TTC28: variants seen among roughly 807,000 people sequenced by gnomAD.
TTC28 encodes tetratricopeptide repeat protein 28.
TTC28 carries 61 observed loss-of-function variants against 198.0 expected under a neutral mutation model. The ratio of observed to expected loss-of-function variants is 0.31; its 90% CI spans 0.25 to 0.38. TTC28 has a LOEUF of 0.38. Among genes scored for constraint, TTC28 ranks in the 10% least tolerant of loss-of-function variants. TTC28 has a pLI of 1.00. For missense variants in TTC28, 2,678 were observed against 3,164.0 expected, an observed-to-expected ratio of 0.85 and a Z score of 3.69; for synonymous variants, 1,171 against 1,297.8, an observed-to-expected ratio of 0.90 and a Z score of 2.10.
chr22:28,433,047 T>C (rs773972323), intron 2 of TTC28, among the ~76,000 whole-genome samples: 45 of 152,202 alleles, frequency 3.0e-4, no homozygotes, highest in Non-Finnish European at 5.3e-4. Flanking sequence ...CAAGTGGTTA[T>C]ATGGATCCTG....
chr22:28,397,303 G>A (rs2046833799), intron 2 of TTC28, among the ~76,000 whole-genome samples: 1 of 152,134 alleles, frequency 6.6e-6, no homozygotes, highest in African/African-American at 2.4e-5. Flanking sequence ...ATCCTCACAA[G>A]AGTCCCGATG....
chr22:28,537,573 G>C (rs949545685), intron 2 of TTC28, among the ~76,000 whole-genome samples: 4 of 151,788 alleles, frequency 2.6e-5, no homozygotes, highest in Non-Finnish European at 4.4e-5. Flanking sequence ...GGCTGTCAAA[G>C]AATGAAGGAA....
chr22:28,292,086 ATAAT>A (rs1468010031), intron 5 of TTC28, among the ~76,000 whole-genome samples: 2 of 152,056 alleles, frequency 1.3e-5, no homozygotes, highest in East Asian at 1.9e-4. Flanking sequence ...CTTATAATTA[ATAAT>A]TAGTTATTTT....
chr22:28,065,036 G>A (rs551845778), intron 12 of TTC28, among the ~76,000 whole-genome samples: 2 of 152,286 alleles, frequency 1.3e-5, no homozygotes, highest in East Asian at 3.9e-4. Flanking sequence ...ACATAGGAAT[G>A]CATGGCTTTC....
intron 1 of TTC28, among the ~76,000 whole-genome samples, chr22:28,657,403 A>G (rs1388067335): frequency 1.3e-5 from 2 of 152,226 alleles, no homozygotes; most frequent in Admixed American, 1.3e-4. Flanking sequence ...CTTACTCTCT[A>G]CTGAGAACAT....
intron 2 of TTC28, among the ~76,000 whole-genome samples, chr22:28,372,603 C>G (rs2046355164): frequency 6.6e-6 from 1 of 150,576 alleles, no homozygotes; most frequent in Admixed American, 6.6e-5. Flanking sequence ...AGATTACGCT[C>G]TTTGTTCTAC....
intron 2 of TTC28, among the ~76,000 whole-genome samples, chr22:28,346,146 A>T (rs1370790371): frequency 6.6e-6 from 1 of 152,184 alleles, no homozygotes; most frequent in Non-Finnish European, 1.5e-5. Flanking sequence ...AGAAATTGAG[A>T]TTCAAGAGGG....
At chr22:28,186,168 T>C (rs1231878788) in intron 5 of TTC28, among the ~76,000 whole-genome samples, 1 of 152,208 alleles carries the variant, frequency 6.6e-6, no homozygotes, top group African/African-American at 2.4e-5. Context: ...GCAACAATTC[T>C]ATTACACTGA....
At chr22:28,290,283 A>G (rs2044762292) in intron 5 of TTC28, among the ~76,000 whole-genome samples, 1 of 152,158 alleles carries the variant, frequency 6.6e-6, no homozygotes, top group Admixed American at 6.5e-5. Flanking sequence ...ATAATTTAGG[A>G]TCACAGGTAC....
At chr22:28,086,318 A>C (rs1941596180) in intron 12 of TTC28, among the ~76,000 whole-genome samples, 1 of 152,204 alleles carries the variant, frequency 6.6e-6, no homozygotes, top group Admixed American at 6.6e-5. Flanking sequence ...ACTGTCTCTC[A>C]GACCACAGTG....
chr22:28,442,236 C>T (rs921964550), intron 2 of TTC28, among the ~76,000 whole-genome samples: 1 of 152,304 alleles, frequency 6.6e-6, no homozygotes, highest in East Asian at 1.9e-4. Flanking sequence ...CACGCTGACA[C>T]GCACAGACAC....
Position 27,992,373 on chromosome 22 carries a change from C to T in TTC28, c.5553+214G>A, listed in dbSNP as rs921657550. ...TGCCGGTAAGGGGCAGTGCCGCTGG[C>T]ACGGATGCCTTGGCATCGCAGATGG... is the stretch of plus-strand genomic sequence containing the variant. On this transcript the variant is annotated intron_variant, in intron 19 of 22. Transcript: ENST00000397906. 7.2e-5 allele frequency: 42 copies of T among 580,908 alleles called. No individual in the cohort carries two copies. The African/African-American group carries it at 7.7e-4, about 11-fold the overall frequency. The allele number at this position is 580,908 out of a possible 1,614,324, so 36.0% of individuals were successfully genotyped here. A position where few individuals can be genotyped will look rare whatever the true frequency, so the allele number is the denominator to read the frequency against.
chr22:28,674,961 A>G (rs1254703655), intron 1 of TTC28, among the ~76,000 whole-genome samples: 1 of 152,216 alleles, frequency 6.6e-6, no homozygotes, highest in African/African-American at 2.4e-5. Context: ...AACACAGTTA[A>G]AGGACTTACA....
chr22:28,094,352 G>T, intron 11 of TTC28, 107 bp from the exon 12 acceptor site: 1 of 1,241,566 alleles, frequency 8.1e-7, no homozygotes, highest in Non-Finnish European at 1.1e-6. Context: ...TCTTTGACAA[G>T]CATGCCATCC....
chr22:28,532,961 G>C lies in TTC28; in HGVS notation c.381+96591C>G, dbSNP rs2049174140. ...CCACAGCCAATGTCATACTGAATGG[G>C]CAAAAACTGGAAGCATTCCTTTTGA... On this transcript the variant is annotated intron_variant, in intron 2 of 22. Coordinates refer to ENST00000397906, the MANE Select transcript of TTC28 (RefSeq NM_001145418.2). 2.6e-5 allele frequency among the ~76,000 whole-genome samples: 4 copies of C among 152,170 alleles called. No homozygotes were observed. The South Asian group carries it at 8.3e-4, about 32-fold the overall frequency.
At chr22:28,087,999 A>T (rs1027939543) in intron 12 of TTC28, among the ~76,000 whole-genome samples, 1 of 152,202 alleles carries the variant, frequency 6.6e-6, no homozygotes, top group Non-Finnish European at 1.5e-5. Flanking sequence ...ACCACTGCTC[A>T]ATGAAATAAA....
intron 13 of TTC28, among the ~76,000 whole-genome samples, chr22:28,024,624 A>G (rs1015351278): frequency 6.6e-6 from 1 of 152,180 alleles, no homozygotes; most frequent in African/African-American, 2.4e-5. Context: ...GTGAGGGACA[A>G]AGTCACATCC....
At chr22:28,330,742 G>T (rs1183654095) in intron 2 of TTC28, among the ~76,000 whole-genome samples, 1 of 151,748 alleles carries the variant, frequency 6.6e-6, no homozygotes, top group African/African-American at 2.4e-5. Context: ...GTGCAAAGAG[G>T]GTATATAAGA....
chr22:28,393,895 C>A (rs1302166395), intron 2 of TTC28, among the ~76,000 whole-genome samples: 1 of 152,086 alleles, frequency 6.6e-6, no homozygotes, highest in Non-Finnish European at 1.5e-5. Flanking sequence ...TGGCTCAGAG[C>A]TCCACTTACC....
Sources: allele counts gnomAD v4.1 joint callset (sites outside exome capture counted in the v4.1 genomes callset), GRCh38; gene constraint gnomAD v4.1.1; transcripts MANE v1.5; gene names NCBI Gene and HGNC (gene_info 2026-07-23, HGNC 2026-07-21).